Variants in SPOCK1 observed in about 807,000 individuals in gnomAD.
SPOCK1 encodes the protein testican-1.
In SPOCK1, 23 loss-of-function variants were observed where a neutral mutation model predicts 55.3. That is an observed-to-expected ratio of 0.42 (90% CI 0.30 to 0.59). The LOEUF (loss-of-function observed/expected upper bound fraction) is 0.59, where lower values mean the gene tolerates loss of function less well. Ranked by LOEUF, SPOCK1 falls within the 20% of genes least tolerant of loss-of-function variation. SPOCK1 has a pLI of 0.22. For missense variants in SPOCK1, 499 were observed against 552.5 expected (o/e 0.90, Z 0.97); for synonymous variants, 226 against 221.0 (o/e 1.02, Z -0.20).
intron 2 of SPOCK1, among the ~76,000 whole-genome samples, chr5:137,468,346 T>C (rs1027465001): frequency 2.0e-5 from 3 of 152,138 alleles, no homozygotes; most frequent in African/African-American, 7.2e-5. Context: ...CACAGACCAG[T>C]GGGTGTTTAA....
intron 2 of SPOCK1, among the ~76,000 whole-genome samples, chr5:137,411,266 G>A (rs1280970851): frequency 6.6e-6 from 1 of 152,160 alleles, no homozygotes; most frequent in East Asian, 1.9e-4. Flanking sequence ...TCTGAGCTAA[G>A]GCCTATAGGA....
At chr5:137,254,690 T>C (rs1026554575) in intron 3 of SPOCK1, among the ~76,000 whole-genome samples, 4 of 152,194 alleles carry the variant, frequency 2.6e-5, no homozygotes, top group Admixed American at 6.5e-5. Context: ...TGGTGGCCTA[T>C]AGGGAAGAAT....
intron 2 of SPOCK1, among the ~76,000 whole-genome samples, chr5:137,287,597 G>A (rs1167736252): frequency 6.6e-6 from 1 of 152,172 alleles, no homozygotes; most frequent in Non-Finnish European, 1.5e-5. Flanking sequence ...CCAACTTTAA[G>A]GACAAGATTT....
At chr5:137,142,174 G>T (rs1003997654) in intron 3 of SPOCK1, among the ~76,000 whole-genome samples, 1 of 152,130 alleles carries the variant, frequency 6.6e-6, no homozygotes, top group Non-Finnish European at 1.5e-5. Flanking sequence ...ATCCTGAGCA[G>T]GTATAGCAAA....
Position 137,423,256 on chromosome 5 carries a change from T to A in SPOCK1, c.186+75117A>T, listed in dbSNP as rs533777778. 2.0e-5 allele frequency among the ~76,000 whole-genome samples: 3 copies of A among 152,330 alleles called. No individual in the cohort carries two copies. In the East Asian group the frequency reaches 5.8e-4, roughly 29 times the overall value. On this transcript the variant is annotated intron_variant, in intron 2 of 10. Transcript: ENST00000394945. ...CAGGGACCCACTTGAGGAGGCAGTC[T>A]GTCTGTTCTCAGATCTCCAGCTGCA...
At chr5:137,447,288 G>A (rs1278725141) in intron 2 of SPOCK1, among the ~76,000 whole-genome samples, 2 of 152,218 alleles carry the variant, frequency 1.3e-5, no homozygotes, top group Non-Finnish European at 2.9e-5. Context: ...TTCACCAGCA[G>A]AGGAGAAGAG....
At chr5:137,043,264 A>G (rs1031187591) in intron 6 of SPOCK1, among the ~76,000 whole-genome samples, 2 of 152,218 alleles carry the variant, frequency 1.3e-5, no homozygotes, top group Non-Finnish European at 2.9e-5. Context: ...TCAAGCACAA[A>G]ATATATATCC....
intron 2 of SPOCK1, among the ~76,000 whole-genome samples, chr5:137,298,304 T>C (rs1418198519): frequency 6.6e-6 from 1 of 152,104 alleles, no homozygotes; most frequent in Non-Finnish European, 1.5e-5. Flanking sequence ...TTATTTAGGA[T>C]TTTGTTGATA....
In SPOCK1 at chr5:137,310,956, A is replaced by G. The variant is rs1395634885; in HGVS notation, c.187-43901T>C. 3.3e-5 allele frequency among the ~76,000 whole-genome samples: 5 copies of G among 152,198 alleles called. No individual in the cohort carries two copies. The East Asian group carries it at 9.6e-4, about 29-fold the overall frequency. On this transcript the variant is annotated intron_variant, in intron 2 of 10. Coordinates refer to ENST00000394945, the MANE Select transcript of SPOCK1 (RefSeq NM_004598.4). ...TGACAAAGGAACAGAAGGACTGCTC[A>G]ATTCCCTAACACAGGCACCCTCTGT...
At chr5:137,440,624 A>G (rs1349548368) in intron 2 of SPOCK1, among the ~76,000 whole-genome samples, 1 of 152,270 alleles carries the variant, frequency 6.6e-6, no homozygotes, top group Non-Finnish European at 1.5e-5. Context: ...TACAGAACTC[A>G]GAATCAAATT....
intron 2 of SPOCK1, among the ~76,000 whole-genome samples, chr5:137,373,417 G>A (rs146371265): frequency 1.3e-5 from 2 of 152,276 alleles, no homozygotes; most frequent in Non-Finnish European, 2.9e-5. Context: ...CAAGACCTCT[G>A]TCAGACAAGG....
chr5:137,090,005 T>C (rs951001969), intron 5 of SPOCK1, among the ~76,000 whole-genome samples: 7 of 152,166 alleles, frequency 4.6e-5, no homozygotes, highest in Non-Finnish European at 1.0e-4. Flanking sequence ...GTGTAAGCAC[T>C]AGGATCTAAC....
chr5:137,399,081 T>C lies in SPOCK1; in HGVS notation c.186+99292A>G, dbSNP rs145338718. On this transcript the variant is annotated intron_variant, in intron 2 of 10. Transcript: ENST00000394945. ...TGCATGCCACCCAAAAGATAGGCAC[T>C]TCACATTTATATTATAATAAGCCTT... is the stretch of plus-strand genomic sequence containing the variant. 8.7e-4 allele frequency among the ~76,000 whole-genome samples: 133 copies of C among 152,336 alleles called. 2 individuals are homozygous for C. The East Asian group carries it at 0.02, about 23-fold the overall frequency.
At chr5:137,094,578 T>C (rs1272119202) in intron 5 of SPOCK1, among the ~76,000 whole-genome samples, 1 of 152,210 alleles carries the variant, frequency 6.6e-6, no homozygotes, top group African/African-American at 2.4e-5. Flanking sequence ...ATTTTACTAC[T>C]AAAAAATGCT....
intron 2 of SPOCK1, among the ~76,000 whole-genome samples, chr5:137,453,882 G>A (rs547768156): frequency 2.0e-5 from 3 of 152,124 alleles, no homozygotes; most frequent in African/African-American, 4.8e-5. Context: ...GGTCTAATGT[G>A]ATTGTAGTGG....
At chr5:137,198,516 G>A (rs1755347959) in intron 3 of SPOCK1, among the ~76,000 whole-genome samples, 1 of 152,106 alleles carries the variant, frequency 6.6e-6, no homozygotes, top group Non-Finnish European at 1.5e-5. Context: ...CAGAAAGATT[G>A]TTTCTTGTTG....
intron 2 of SPOCK1, among the ~76,000 whole-genome samples, chr5:137,321,741 G>T (rs939060437): frequency 2.6e-5 from 4 of 152,050 alleles, no homozygotes; most frequent in African/African-American, 2.4e-5. Context: ...AGCCAGGCAT[G>T]GTAGCAGGTG....
At chr5:137,460,408 C>A (rs553362415) in intron 2 of SPOCK1, among the ~76,000 whole-genome samples, 1 of 152,238 alleles carries the variant, frequency 6.6e-6, no homozygotes, top group South Asian at 2.1e-4. Flanking sequence ...GGGATAAGGA[C>A]CAGCCTGTTT....
At chr5:137,126,732 A>G (rs1333987625) in intron 4 of SPOCK1, among the ~76,000 whole-genome samples, 1 of 152,218 alleles carries the variant, frequency 6.6e-6, no homozygotes, top group Non-Finnish European at 1.5e-5. Context: ...AGTCTGGGCA[A>G]CAAGAACGAA....
Sources: gnomAD v4.1 joint callset for allele counts (sites outside exome capture counted in the v4.1 genomes callset) on GRCh38, gnomAD v4.1.1 for gene constraint, MANE v1.5 for transcripts, NCBI Gene and HGNC (gene_info 2026-07-23, HGNC 2026-07-21) for gene names.